The following PPP6R1 variants were observed in gnomAD, a reference collection of about 807,000 sequenced individuals.
PPP6R1 encodes the protein serine/threonine-protein phosphatase 6 regulatory subunit 1.
PPP6R1 carries 39 observed loss-of-function variants against 104.6 expected under a neutral mutation model. The ratio of observed to expected loss-of-function variants is 0.37; its 90% CI spans 0.29 to 0.49. The LOEUF (loss-of-function observed/expected upper bound fraction) is 0.49. PPP6R1 is among the 20% of genes least tolerant of loss of function. The probability of loss-of-function intolerance (pLI) is 0.98; values close to 1 mark genes in which losing one functional copy is unlikely to be tolerated. For synonymous variants in PPP6R1, 549 were observed against 479.0 expected (o/e 1.15, Z -1.91); for missense variants, 1,181 against 1,155.8 (o/e 1.02, Z -0.32).
intron 21 of PPP6R1, 28 bp downstream of exon 21, chr19:55,231,382 T>A (rs1271420344): frequency 6.4e-6 from 10 of 1,559,838 alleles, no homozygotes; most frequent in Non-Finnish European, 8.7e-6. Flanking sequence ...CTTCTCCCGA[T>A]ACTAGGCAGC....
intron 1 of PPP6R1, among the ~76,000 whole-genome samples, chr19:55,256,161 A>T (rs1239617957): frequency 6.6e-6 from 1 of 152,236 alleles, no homozygotes; most frequent in Non-Finnish European, 1.5e-5. Context: ...AACAAAAGCT[A>T]ATGGCCACAA....
intron 15 of PPP6R1, chr19:55,238,611 C>T (rs1202758911): frequency 2.0e-5 from 3 of 152,382 alleles, no homozygotes; most frequent in Admixed American, 6.5e-5. Flanking sequence ...TGTCCTAACT[C>T]AGCCTCCCAA....
chr19:55,240,660 C>T (rs1668463018), intron 10 of PPP6R1, among the ~76,000 whole-genome samples: 1 of 150,884 alleles, frequency 6.6e-6, no homozygotes, highest in Admixed American at 6.5e-5. Flanking sequence ...CTGACACATG[C>T]TCACACACGC....
In PPP6R1 at chr19:55,232,118, C is replaced by T; in HGVS notation, c.2082G>A (p.Gly694=). The T allele has an allele frequency of 6.2e-7, 1 of 1,602,398 alleles. No individual in the cohort carries two copies. Among genetic ancestry groups the T allele is most frequent in the Non-Finnish European group, 8.5e-7 (1 of 1,174,556 alleles). ...EEGIGCAARG[G]ATPLSYPSPG... is the part of the protein sequence containing the mutation. Reference sequence around the variant, plus strand: ...GGCTGGGGTAGGACAGAGGGGTGGCCCCTCCACGGGCTGCACAGCCAATGC... The same window carrying T: ...GGCTGGGGTAGGACAGAGGGGTGGCTCCTCCACGGGCTGCACAGCCAATGC... The change falls in exon 18 of 24, where the codon GGG becomes GGA. Residue 694 remains glycine, a synonymous_variant. Coordinates refer to ENST00000412770, the MANE Select transcript of PPP6R1 (RefSeq NM_014931.4).
chr19:55,231,433 A>G lies in PPP6R1; in HGVS notation c.2436T>C (p.Arg812=). ...ACCTGTCCGAGGAGCTGGGGGCAGA[A>G]CGGATCCCGTGGAAGGTGGCCTGAA... ...GDLQATFHGI[R]SAPSSSDSAT... Residue 812 remains arginine (R), a synonymous_variant, in exon 21 of 24, where the codon CGT becomes CGC. Transcript: ENST00000412770. 6.2e-7 allele frequency: 1 copy of G among 1,605,286 alleles called. No homozygotes were observed. Among genetic ancestry groups the G allele is most frequent in the Non-Finnish European group, 8.5e-7 (1 of 1,176,592 alleles).
At chr19:55,231,291 C>T (rs1477485175) in intron 21 of PPP6R1, 119 bp downstream of exon 21, 4 of 1,225,622 alleles carry the variant, frequency 3.3e-6, no homozygotes, top group Non-Finnish European at 4.7e-6. Context: ...GAGGCTGCGC[C>T]TGGGGGTCCT....
intron 7 of PPP6R1, 109 bp downstream of exon 7, chr19:55,242,056 AG>A: frequency 2.0e-6 from 2 of 1,007,134 alleles, no homozygotes; most frequent in South Asian, 2.8e-5. Context: ...CCACAGAGCA[AG>A]GTGCCACGGG....
intron 10 of PPP6R1, among the ~76,000 whole-genome samples, chr19:55,240,555 A>ACACACACACACATG (rs1568946427): frequency 6.8e-6 from 1 of 147,536 alleles, no homozygotes; most frequent in African/African-American, 2.6e-5. Context: ...ACACACACAC[A>ACACACACACACATG]CATGCATGCA....
chr19:55,234,536 A>G (rs1001844839), intron 17 of PPP6R1, among the ~76,000 whole-genome samples: 1 of 152,232 alleles, frequency 6.6e-6, no homozygotes, highest in African/African-American at 2.4e-5. Context: ...AAACCATAGA[A>G]ATAATGCTAT....
chr19:55,247,050 C>T lies in PPP6R1; in HGVS notation c.54G>A (p.Glu18=). Residue 18 remains glutamate (E), a synonymous_variant, in exon 2 of 24, where the codon GAG becomes GAA. Coordinates refer to ENST00000412770, the MANE Select transcript of PPP6R1 (RefSeq NM_014931.4). ...GCTCGGGCAGGCTCAGGTCCTCCCG[C>T]TCCAGCAGCGTGTCCAGGTGCGAGC... is the stretch of plus-strand genomic sequence containing the variant. ...HTSSHLDTLL[E]REDLSLPELL... 1 of 1,613,828 alleles carries T rather than the reference C, an allele frequency of 6.2e-7. No homozygotes were observed. Among genetic ancestry groups the T allele is most frequent in the Non-Finnish European group, 8.5e-7 (1 of 1,179,876 alleles).
Position 55,245,404 on chromosome 19 carries a change from TG to T in PPP6R1, c.415-3del. 6.2e-7 allele frequency: 1 copy of T among 1,613,518 alleles called. No individual in the cohort carries two copies. Among genetic ancestry groups the T allele is most frequent in the Non-Finnish European group, 8.5e-7 (1 of 1,179,760 alleles). On this transcript the variant is annotated splice_region_variant and splice_polypyrimidine_tract_variant and intron_variant, in intron 3 of 23. Transcript: ENST00000412770. This position sits in a 1 kb window ranked among gnomAD's most constrained non-coding sequence, Gnocchi z 6.4. The stretch of plus-strand genomic sequence containing the variant: ...CTTCTTCCGAAGAAAGGACACGAGC[TG>T]GGGGCACACGGGCTGCGTCATGCAC...
chr19:55,230,632 G>A lies in PPP6R1; in HGVS notation c.2623C>T (p.Pro875Ser), dbSNP rs1186415229. 6.2e-7 allele frequency: 1 copy of A among 1,611,226 alleles called. No homozygotes were observed. Among genetic ancestry groups the A allele is most frequent in the African/African-American group, 1.3e-5 (1 of 74,896 alleles). ...PIPNGSAPEG[P>S]ASPGSQ ...ACTCACTGGGAGCCTGGGGATGCAG[G>A]CCCTTCCGGGGCAGAGCCATTGGGT... The change falls in exon 23 of 24, where the codon CCT (proline) becomes TCT (serine). Residue 875 changes from proline (P) to serine (S), a missense_variant. Transcript: ENST00000412770.
Position 55,241,513 on chromosome 19 carries a change from G to A in PPP6R1, c.972C>T (p.Leu324=), listed in dbSNP as rs1242215031. 6.3e-7 allele frequency: 1 copy of A among 1,592,332 alleles called. No homozygotes were observed. The highest frequency in any genetic ancestry group is 8.5e-7 in the Non-Finnish European group (1 of 1,170,212). The change falls in exon 8 of 24, where the codon CTC becomes CTT. Residue 324 remains leucine, a synonymous_variant. Coordinates refer to ENST00000412770, the MANE Select transcript of PPP6R1 (RefSeq NM_014931.4). The surrounding 1 kb of genome is among the most constrained non-coding windows in gnomAD (Gnocchi z 5.4). ...CCAGCAGGAGCTGGTGGAAGCAGCTGAGCCGCGGGCGTAGGGCGTGCAAGG... is the reference window on the plus strand; with the variant it reads ...CCAGCAGGAGCTGGTGGAAGCAGCTAAGCCGCGGGCGTAGGGCGTGCAAGG... The part of the protein sequence containing the change: ...VGALHALRPR[L]SCFHQLLLEP...
chr19:55,256,098 G>A (rs960408407), intron 1 of PPP6R1, among the ~76,000 whole-genome samples: 1 of 152,194 alleles, frequency 6.6e-6, no homozygotes, highest in Admixed American at 6.5e-5. Flanking sequence ...AAAATGGGCA[G>A]GGGGACCAGA....
rs548468197 is a variant in PPP6R1, at chr19:55,241,088, G to A, written c.1162-9C>T. 1.3e-6 allele frequency: 2 copies of A among 1,549,746 alleles called. No individual in the cohort carries two copies. The highest frequency in any genetic ancestry group is 1.4e-5 in the African/African-American group (1 of 73,096). On this transcript the variant is annotated splice_polypyrimidine_tract_variant and intron_variant, in intron 9 of 23. Transcript: ENST00000412770. The surrounding 1 kb of genome is among the most constrained non-coding windows in gnomAD (Gnocchi z 5.4). ...TAATGGAAGAAGAGGTCCTATGGGA[G>A]GACACAGGATTGGTACCAGAGAGGC...
Position 55,230,819 on chromosome 19 carries a change from T to C in PPP6R1, c.2525A>G (p.Glu842Gly), listed in dbSNP as rs778125901. The C allele has an allele frequency of 1.9e-6, 3 of 1,590,122 alleles. No individual in the cohort carries two copies. The South Asian group carries it at 3.3e-5, about 18-fold the overall frequency. Residue 842 changes from glutamate to glycine, a missense_variant, in exon 22 of 24, where the codon GAA (glutamate) becomes GGA (glycine). Around this residue, in one of 2 missense-constraint regions of PPP6R1, gnomAD observed 1,042 missense variants for 955.6 expected, o/e 1.09. Coordinates refer to ENST00000412770, the MANE Select transcript of PPP6R1 (RefSeq NM_014931.4). Reference sequence around the variant, plus strand: ...CAAGGGCTCTGGGCTCTTCTCCCCTTCTGTGGTCTGGGGGGGCTGGTGGGC... The same window carrying C: ...CAAGGGCTCTGGGCTCTTCTCCCCTCCTGTGGTCTGGGGGGGCTGGTGGGC... The part of the protein sequence containing the change: ...SGAHQPPQTT[E>G]GEKSPEPLGL...
rs534843641 is a variant in PPP6R1, at chr19:55,245,135, C to T, written c.603G>A (p.Pro201=). Residue 201 remains proline (P), a synonymous_variant, in exon 5 of 24, where the codon CCG becomes CCA. Transcript: ENST00000412770. This position sits in a 1 kb window ranked among gnomAD's most constrained non-coding sequence, Gnocchi z 6.4. ...IVQRLIEQIH[P]SKDENQHSNA... ...CAGCACTCACATTCTCATCCTTCGA[C>T]GGGTGGATCTGCTCAATCAGCCGCT... The T allele has an allele frequency of 3.3e-4, 539 of 1,613,426 alleles. 6 individuals carry two copies. In the South Asian group the frequency reaches 5.3e-3, roughly 16 times the overall value.
chr19:55,241,031 C>G lies in PPP6R1; in HGVS notation c.1210G>C (p.Glu404Gln). The change falls in exon 10 of 24, where the codon GAG becomes CAG. Residue 404 changes from glutamate (E) to glutamine (Q), a missense_variant. Coordinates refer to ENST00000412770, the MANE Select transcript of PPP6R1 (RefSeq NM_014931.4). This position sits in a 1 kb window ranked among gnomAD's most constrained non-coding sequence, Gnocchi z 5.4. ...VFNNFLHAQVEGCVSTMLSLG... is the reference protein window; with the variant it reads ...VFNNFLHAQVQGCVSTMLSLG... ...CTCAGCATGGTGCTCACGCATCCCT[C>G]TACTTGGGCATGCAAGAAGTTGTTG... 1 of 1,569,032 alleles carries G rather than the reference C, an allele frequency of 6.4e-7. No homozygotes were observed. The highest frequency in any genetic ancestry group is 8.6e-7 in the Non-Finnish European group (1 of 1,157,048).
chr19:55,258,149 G>T (rs369278524), intron 1 of PPP6R1, among the ~76,000 whole-genome samples: 5 of 152,232 alleles, frequency 3.3e-5, no homozygotes, highest in African/African-American at 1.2e-4. Context: ...TGAGGCTCAG[G>T]GACTGGGGAG....
Sources: allele counts gnomAD v4.1 joint callset (sites outside exome capture counted in the v4.1 genomes callset), GRCh38; gene constraint gnomAD v4.1.1; regional missense constraint gnomAD v4.1.1; non-coding constraint Gnocchi (gnomAD v3.1); transcripts MANE v1.5; gene names NCBI Gene and HGNC (gene_info 2026-07-23, HGNC 2026-07-21).